The following FUT8 variants were observed in gnomAD, a reference collection of about 807,000 sequenced individuals.
FUT8 encodes the protein alpha-(1,6)-fucosyltransferase.
A neutral mutation model predicts 71.3 loss-of-function variants in FUT8; 29 were observed. That is an observed-to-expected ratio of 0.41 (90% CI 0.30 to 0.55). FUT8 has a LOEUF of 0.55. Ranked by LOEUF, FUT8 falls within the 20% of genes least tolerant of loss-of-function variation. FUT8 has a pLI of 0.34. For missense variants in FUT8, 544 were observed against 702.1 expected (o/e 0.77, Z 2.55); for synonymous variants, 254 against 239.3 (o/e 1.06, Z -0.57).
the FUT8 span, among the ~76,000 whole-genome samples, chr14:65,358,594 C>A: frequency 6.6e-6 from 1 of 152,042 alleles, no homozygotes. Flanking sequence ...ACTGGGACTA[C>A]AGGTGCATGC....
intron 1 of FUT8, among the ~76,000 whole-genome samples, chr14:65,431,609 C>T (rs1473800517): frequency 6.6e-6 from 1 of 151,650 alleles, no homozygotes; most frequent in East Asian, 1.9e-4. Context: ...CACCACTCTA[C>T]TTCTTCCTAG....
chr14:65,617,924 A>G (rs1889368361), intron 5 of FUT8, among the ~76,000 whole-genome samples: 1 of 151,400 alleles, frequency 6.6e-6, no homozygotes. Context: ...AGCCTGGGCA[A>G]CAGAGCAAGA....
At chr14:65,388,088 A>T in the FUT8 span, among the ~76,000 whole-genome samples, 2 of 152,250 alleles carry the variant, frequency 1.3e-5, no homozygotes, top group African/African-American at 4.8e-5. Flanking sequence ...ATAAGTAAGC[A>T]CAGGAGTATC....
intron 7 of FUT8, among the ~76,000 whole-genome samples, chr14:65,702,487 T>C (rs2140486334): frequency 6.6e-6 from 1 of 152,254 alleles, no homozygotes; most frequent in South Asian, 2.1e-4. Context: ...CAGTTGCTAA[T>C]AGAGAGCTGG....
At chr14:65,716,786 G>C in intron 7 of FUT8, among the ~76,000 whole-genome samples, 1 of 152,148 alleles carries the variant, frequency 6.6e-6, no homozygotes, top group South Asian at 2.1e-4. Flanking sequence ...GGGCAGCCAG[G>C]CAGAGGCACT....
In FUT8 at chr14:65,561,584, C is replaced by T. The variant is rs142688407; in HGVS notation, c.21C>T (p.Ser7=). 2.5e-5 allele frequency: 40 copies of T among 1,613,340 alleles called. No individual in the cohort carries two copies. Among genetic ancestry groups the T allele is most frequent in the Admixed American group, 2.2e-4 (13 of 59,938 alleles). Residue 7 remains serine (S), a synonymous_variant, in exon 3 of 11, where the codon TCC becomes TCT. Transcript: ENST00000673929. MRPWTG[S]WRWIMLILFA... ...TGAAAATGCGGCCATGGACTGGTTCCTGGCGTTGGATTATGCTCATTCTTT... is the reference window on the plus strand; with the variant it reads ...TGAAAATGCGGCCATGGACTGGTTCTTGGCGTTGGATTATGCTCATTCTTT...
intron 2 of FUT8, among the ~76,000 whole-genome samples, chr14:65,554,224 A>C (rs925646645): frequency 6.6e-6 from 1 of 151,796 alleles, no homozygotes; most frequent in Non-Finnish European, 1.5e-5. Flanking sequence ...GATATAGTCC[A>C]TTTAGCATTT....
intron 7 of FUT8, among the ~76,000 whole-genome samples, chr14:65,691,396 G>T (rs1171339597): frequency 6.6e-6 from 1 of 151,150 alleles, no homozygotes; most frequent in Non-Finnish European, 1.5e-5. Context: ...TAGGCTGTTT[G>T]TAGATGTTCT....
At chr14:65,670,663 G>A (rs891340656) in intron 7 of FUT8, among the ~76,000 whole-genome samples, 5 of 152,012 alleles carry the variant, frequency 3.3e-5, no homozygotes, top group African/African-American at 1.2e-4. Flanking sequence ...CACTAGATAC[G>A]AAATAGGGAG....
At chr14:65,604,123 C>A (rs1249766181) in intron 3 of FUT8, among the ~76,000 whole-genome samples, 1 of 151,664 alleles carries the variant, frequency 6.6e-6, no homozygotes, top group Admixed American at 6.6e-5. Flanking sequence ...ACTACCAAAC[C>A]TAAGTAATGA....
chr14:65,403,788 C>T, the FUT8 span, among the ~76,000 whole-genome samples: 1 of 150,346 alleles, frequency 6.7e-6, no homozygotes, highest in Admixed American at 6.6e-5. Flanking sequence ...CTTGCTCCTA[C>T]CCATCCTTCC....
chr14:65,604,799 G>A (rs1888485589), intron 3 of FUT8, among the ~76,000 whole-genome samples: 1 of 151,806 alleles, frequency 6.6e-6, no homozygotes, highest in Non-Finnish European at 1.5e-5. Context: ...CAATACAAAA[G>A]ATAAATGAAG....
At chr14:65,606,030 C>T (rs949123213) in intron 3 of FUT8, among the ~76,000 whole-genome samples, 11 of 151,060 alleles carry the variant, frequency 7.3e-5, no homozygotes, top group African/African-American at 2.4e-4. Flanking sequence ...CTCTTCTCTC[C>T]ACCTGTGACT....
At chr14:65,490,415 T>C (rs1251436018) in intron 2 of FUT8, among the ~76,000 whole-genome samples, 1 of 152,126 alleles carries the variant, frequency 6.6e-6, no homozygotes, top group Non-Finnish European at 1.5e-5. Flanking sequence ...TAAACACAGT[T>C]TAGTGATTTT....
At chr14:65,617,077 A>G (rs777258348) in intron 5 of FUT8, 32 of 1,584,986 alleles carry the variant, frequency 2.0e-5, no homozygotes, top group East Asian at 6.8e-5. Flanking sequence ...TTAAAAGTCT[A>G]TGTTTCCAGT....
At chr14:65,681,200 C>A (rs1287995739) in intron 7 of FUT8, among the ~76,000 whole-genome samples, 3 of 152,122 alleles carry the variant, frequency 2.0e-5, no homozygotes, top group Non-Finnish European at 4.4e-5. Context: ...ATACTACTGG[C>A]CAATACTTGT....
chr14:65,365,288 A>G, the FUT8 span, among the ~76,000 whole-genome samples: 7,218 of 151,174 alleles, frequency 0.048, 214 homozygotes, highest in Middle Eastern at 0.11. Flanking sequence ...TAAAGAGCAA[A>G]GAGGGGCATG....
intron 6 of FUT8, among the ~76,000 whole-genome samples, chr14:65,630,608 CAGGTAAGAAGTATTA>C (rs554684490): frequency 6.6e-6 from 1 of 152,128 alleles, no homozygotes; most frequent in East Asian, 1.9e-4. Context: ...GACCATAGTG[CAGGTAAGAAGTATTA>C]AGGTATGTGG....
At chr14:65,541,570 C>T (rs1884681058) in intron 2 of FUT8, among the ~76,000 whole-genome samples, 1 of 152,064 alleles carries the variant, frequency 6.6e-6, no homozygotes, top group Admixed American at 6.5e-5. Context: ...GAGAATTCAC[C>T]CATCCTCAAC....
Sources: gnomAD v4.1 joint callset for allele counts (sites outside exome capture counted in the v4.1 genomes callset) on GRCh38, gnomAD v4.1.1 for gene constraint, MANE v1.5 for transcripts, NCBI Gene and HGNC (gene_info 2026-07-23, HGNC 2026-07-21) for gene names.